ITPK1: variants seen among roughly 807,000 people sequenced by gnomAD.
ITPK1 encodes inositol-tetrakisphosphate 1-kinase, also known as inositol 1,3,4-trisphosphate 5/6-kinase.
Under a neutral mutation model 45.3 loss-of-function variants are expected in ITPK1, and 21 were observed. That is an observed-to-expected ratio of 0.46 (90% CI 0.33 to 0.67). The LOEUF is 0.67. ITPK1 is among the 30% of genes least tolerant of loss of function. The pLI is 0.02. For synonymous variants in ITPK1, 258 were observed against 253.6 expected (o/e 1.02, Z -0.16); for missense variants, 474 against 573.5 (o/e 0.83, Z 1.77).
intron 3 of ITPK1, among the ~76,000 whole-genome samples, chr14:93,052,785 C>T (rs1890069782): frequency 6.6e-6 from 1 of 152,166 alleles, no homozygotes; most frequent in Admixed American, 6.5e-5. Flanking sequence ...GGGTTCAGTC[C>T]CTCACTCAGA....
intron 3 of ITPK1, among the ~76,000 whole-genome samples, chr14:93,064,318 T>C (rs1182363777): frequency 6.6e-6 from 1 of 152,076 alleles, no homozygotes; most frequent in African/African-American, 2.4e-5. Flanking sequence ...AGAGATGGGG[T>C]CTCACTATGT....
rs200042019 is a variant in ITPK1 at position 92,962,828 on chromosome 14, G to A, written c.386C>T (p.Pro129Leu). 5.0e-6 allele frequency: 8 copies of A among 1,613,384 alleles called. No homozygotes were observed. The highest frequency in any genetic ancestry group is 4.4e-5 in the South Asian group (4 of 91,084). Residue 129 changes from proline to leucine, a missense_variant, in exon 6 of 11, where the codon CCC (proline) becomes CTC (leucine). Transcript: ENST00000267615. ...GCACAGGCTCGTGAGCTCCATGAAG[G>A]GTGGCGAGCAGATCCTGTCGTCTAG... ...YMEDDRICSP[P>L]FMELTSLCGD...
At chr14:92,970,369 G>A (rs1327973829) in intron 5 of ITPK1, among the ~76,000 whole-genome samples, 34 of 152,222 alleles carry the variant, frequency 2.2e-4, no homozygotes, top group Admixed American at 2.2e-3. Context: ...CAGGCACCCA[G>A]CGGGGGATGC....
chr14:93,055,425 T>G (rs543518278), intron 3 of ITPK1, among the ~76,000 whole-genome samples: 2 of 152,164 alleles, frequency 1.3e-5, no homozygotes, highest in South Asian at 4.2e-4. Context: ...CTCTCCTTCA[T>G]TTTTCTCCCA....
intron 5 of ITPK1, among the ~76,000 whole-genome samples, chr14:92,978,414 G>A (rs1886055110): frequency 6.6e-6 from 1 of 152,030 alleles, no homozygotes; most frequent in African/African-American, 2.4e-5. Flanking sequence ...ATTTTCTGAG[G>A]AGGAACTCAA....
rs1038011627 is a variant in ITPK1 at position 92,973,769 on chromosome 14, G to A, written c.365-10920C>T. Among the ~76,000 whole-genome samples the A allele has an allele frequency of 9.2e-5, 14 of 152,232 alleles. 1 individual carries two copies. The highest frequency in any genetic ancestry group is 3.9e-4 in the Admixed American group (6 of 15,292). On this transcript the variant is annotated intron_variant, in intron 5 of 10. Transcript: ENST00000267615. The stretch of plus-strand genomic sequence containing the variant: ...GCCGCACAGGCCTGAGCCAGGAGGG[G>A]GATGCCAGGAAGGGCCCGGGTGAGA...
At chr14:92,982,663 G>A (rs1000933878) in intron 5 of ITPK1, among the ~76,000 whole-genome samples, 1 of 152,180 alleles carries the variant, frequency 6.6e-6, no homozygotes, top group African/African-American at 2.4e-5. Flanking sequence ...ACCCACCCAT[G>A]AGATAATAAA....
At position 93,043,696 on chromosome 14, in the gene ITPK1, A is replaced by C. The variant is rs558804807; in HGVS notation, c.121-26895T>G. ...AGCTTGGATTACACCACAATCTTTA[A>C]GCCCCAAGGCTGGGGGTGGTGTCAC... On this transcript the variant is annotated intron_variant, in intron 3 of 10. Transcript: ENST00000267615. Among the ~76,000 whole-genome samples the C allele has an allele frequency of 1.3e-4, 20 of 152,334 alleles. No homozygotes were observed. In the South Asian group the frequency reaches 3.9e-3, roughly 30 times the overall value.
intron 5 of ITPK1, among the ~76,000 whole-genome samples, chr14:92,989,850 A>G (rs1400840289): frequency 2.0e-5 from 3 of 152,066 alleles, no homozygotes; most frequent in South Asian, 2.1e-4. Context: ...GCAGTCATCT[A>G]TGAGGGAAAG....
At chr14:93,105,668 G>T (rs1477083814) in intron 2 of ITPK1, among the ~76,000 whole-genome samples, 1 of 149,552 alleles carries the variant, frequency 6.7e-6, no homozygotes, top group Non-Finnish European at 1.5e-5. Context: ...GGGATTACAG[G>T]CACCCACCAC....
chr14:93,004,955 G>C (rs11623358), intron 4 of ITPK1, among the ~76,000 whole-genome samples: 1 of 152,026 alleles, frequency 6.6e-6, no homozygotes, highest in Non-Finnish European at 1.5e-5. Flanking sequence ...TGGGGGCCTG[G>C]CAGGGCTGGG....
intron 9 of ITPK1, among the ~76,000 whole-genome samples, chr14:92,946,951 G>A (rs1887720678): frequency 2.0e-5 from 3 of 152,262 alleles, no homozygotes. Context: ...TTGGAGGCAG[G>A]AGGATGTGGG....
At position 93,014,370 on chromosome 14, in the gene ITPK1, G is replaced by C. The variant is rs1466223600; in HGVS notation, c.246+2306C>G. Reference sequence around the variant, plus strand: ...TGCCTGGGCTGTGGGCTGTGTGTGTGTCTGGGAAGTGGGCAAGAGGGATAA... The same window carrying C: ...TGCCTGGGCTGTGGGCTGTGTGTGTCTCTGGGAAGTGGGCAAGAGGGATAA... On this transcript the variant is annotated intron_variant, in intron 4 of 10. Transcript: ENST00000267615. This position sits in a 1 kb window ranked among gnomAD's most constrained non-coding sequence, Gnocchi z 4.4. Among the ~76,000 whole-genome samples, 2 of 152,198 alleles carry C rather than the reference G, an allele frequency of 1.3e-5. No homozygotes were observed. The highest frequency in any genetic ancestry group is 4.8e-5 in the African/African-American group (2 of 41,446).
In ITPK1 at chr14:93,032,895, C is replaced by T. The variant is rs138766444; in HGVS notation, c.121-16094G>A. Among the ~76,000 whole-genome samples the T allele has an allele frequency of 5.8e-3, 878 of 152,312 alleles. 2 individuals carry two copies. Among genetic ancestry groups the T allele is most frequent in the Middle Eastern group, 0.01 (3 of 294 alleles). On this transcript the variant is annotated intron_variant, in intron 3 of 10. Transcript: ENST00000267615. This position sits in a 1 kb window ranked among gnomAD's most constrained non-coding sequence, Gnocchi z 4.0. ...GGATCGGATCGTGCACCCTGCAAAGCCAGCCCTTTTCTCTAGGGGGTGAGC... is the reference window on the plus strand; with the variant it reads ...GGATCGGATCGTGCACCCTGCAAAGTCAGCCCTTTTCTCTAGGGGGTGAGC...
At chr14:93,019,522 T>C (rs1888360634) in intron 3 of ITPK1, among the ~76,000 whole-genome samples, 1 of 152,302 alleles carries the variant, frequency 6.6e-6, no homozygotes, top group Admixed American at 6.5e-5. Context: ...AACAGCAGCT[T>C]GGGACACACA....
chr14:93,036,525 G>A lies in ITPK1; in HGVS notation c.121-19724C>T, dbSNP rs936039673. 5.3e-5 allele frequency among the ~76,000 whole-genome samples: 8 copies of A among 150,900 alleles called. No individual in the cohort carries two copies. The highest frequency in any genetic ancestry group is 2.0e-4 in the Admixed American group (3 of 15,154). ...AGCACGTGCCCCATTTGACCCCCAC[G>A]GCTCTTGCTGTTTGCTGGTGGCAGC... is the stretch of plus-strand genomic sequence containing the variant. On this transcript the variant is annotated intron_variant, in intron 3 of 10. Transcript: ENST00000267615. This position sits in a 1 kb window ranked among gnomAD's most constrained non-coding sequence, Gnocchi z 4.1.
At chr14:93,054,659 C>G (rs1356686488) in intron 3 of ITPK1, among the ~76,000 whole-genome samples, 1 of 152,182 alleles carries the variant, frequency 6.6e-6, no homozygotes, top group Non-Finnish European at 1.5e-5. Flanking sequence ...GTGGTTCATC[C>G]TCGGAGCCTG....
intron 5 of ITPK1, among the ~76,000 whole-genome samples, chr14:92,981,419 C>T (rs1180748711): frequency 1.3e-5 from 2 of 152,150 alleles, no homozygotes; most frequent in South Asian, 2.1e-4. Context: ...TGGAATGGCT[C>T]CCACCTTCCT....
At chr14:93,000,627 C>A (rs971680674) in intron 4 of ITPK1, among the ~76,000 whole-genome samples, 1 of 152,188 alleles carries the variant, frequency 6.6e-6, no homozygotes, top group Non-Finnish European at 1.5e-5. Flanking sequence ...TGTGACTGAA[C>A]TGTTGTGCAT....
Sources: allele counts gnomAD v4.1 joint callset (sites outside exome capture counted in the v4.1 genomes callset), GRCh38; gene constraint gnomAD v4.1.1; non-coding constraint Gnocchi (gnomAD v3.1); transcripts MANE v1.5; gene names NCBI Gene and HGNC (gene_info 2026-07-23, HGNC 2026-07-21).